EBF1: variants seen among roughly 807,000 people sequenced by gnomAD.
The protein encoded by EBF1 is transcription factor COE1.
EBF1 carries 10 observed loss-of-function variants against 68.4 expected under a neutral mutation model. That is an observed-to-expected ratio of 0.15 (90% CI 0.09 to 0.25). The LOEUF (loss-of-function observed/expected upper bound fraction) is 0.25, where lower values mean the gene tolerates loss of function less well. Ranked by LOEUF, EBF1 falls within the 10% of genes least tolerant of loss-of-function variation. The probability of loss-of-function intolerance (pLI) is 1.00; values close to 1 mark genes in which losing one functional copy is unlikely to be tolerated. For synonymous variants in EBF1, 298 were observed against 299.8 expected (o/e 0.99, Z 0.06); for missense variants, 509 against 794.4 (o/e 0.64, Z 4.32).
In EBF1 at chr5:159,099,544, AAAG is replaced by A; in HGVS notation, c.-69_-67del. The A allele has an allele frequency of 7.2e-7, 1 of 1,379,664 alleles. No individual in the cohort carries two copies. Among genetic ancestry groups the A allele is most frequent in the Non-Finnish European group, 9.5e-7 (1 of 1,056,114 alleles). 85.5% of individuals were successfully genotyped at this position (1,379,664 alleles called of 1,614,324 possible). ...AAAAAATTAAAAAAAAAAAAAAAGG[AAAG>A]AAAAGAAAGAAAAGAAAAGAAACAA... is the stretch of plus-strand genomic sequence containing the variant. On this transcript the variant is annotated 5_prime_UTR_variant, in exon 1 of 16. Transcript: ENST00000313708.
At chr5:158,850,934 G>A (rs902452432) in intron 6 of EBF1, among the ~76,000 whole-genome samples, 1 of 152,114 alleles carries the variant, frequency 6.6e-6, no homozygotes, top group African/African-American at 2.4e-5. Flanking sequence ...TTGAACCTGG[G>A]AGGCAGAAGT....
At chr5:158,775,776 GCACACAGACACACACACACACACACACA>G (rs1775044843) in intron 10 of EBF1, among the ~76,000 whole-genome samples, 1 of 56,002 alleles carries the variant, frequency 1.8e-5, no homozygotes, top group Non-Finnish European at 3.3e-5. Context: ...ACACACACAT[GCACACAGACACACACACACACACACACA>G]CACACACACA....
At position 159,083,198 on chromosome 5, in the gene EBF1, G is replaced by A. The variant is rs575710276; in HGVS notation, c.485+1468C>T. On this transcript the variant is annotated intron_variant, in intron 5 of 15. Transcript: ENST00000313708. Reference sequence around the variant, plus strand: ...AATTCATTCTAATGACATGCTAATTGTAAGAAGCCAGAACAGAGATATGGT... The same window carrying A: ...AATTCATTCTAATGACATGCTAATTATAAGAAGCCAGAACAGAGATATGGT... Among the ~76,000 whole-genome samples the A allele has an allele frequency of 2.1e-3, 315 of 152,252 alleles. 2 individuals are homozygous for A. Among genetic ancestry groups the A allele is most frequent in the Non-Finnish European group, 3.7e-3 (253 of 68,014 alleles).
intron 10 of EBF1, among the ~76,000 whole-genome samples, chr5:158,756,478 A>C (rs1193165813): frequency 6.6e-6 from 1 of 152,100 alleles, no homozygotes; most frequent in Non-Finnish European, 1.5e-5. Context: ...CATTCTTCAA[A>C]AATTACTTAG....
intron 6 of EBF1, among the ~76,000 whole-genome samples, chr5:158,921,858 C>T (rs1808509755): frequency 6.6e-6 from 1 of 152,226 alleles, no homozygotes; most frequent in African/African-American, 2.4e-5. Context: ...CTGGCACAAA[C>T]ATATTGCAAA....
intron 6 of EBF1, among the ~76,000 whole-genome samples, chr5:158,905,144 T>C (rs1464871581): frequency 6.6e-6 from 1 of 152,222 alleles, no homozygotes; most frequent in East Asian, 1.9e-4. Context: ...ATGAGGATTA[T>C]AGAGTTAGGC....
At chr5:158,959,699 G>C (rs764686103) in intron 6 of EBF1, among the ~76,000 whole-genome samples, 1 of 151,952 alleles carries the variant, frequency 6.6e-6, no homozygotes, top group Admixed American at 6.5e-5. Context: ...AAGATAGAAA[G>C]ACTCAATTTA....
At chr5:158,967,112 G>T (rs1217842360) in intron 6 of EBF1, among the ~76,000 whole-genome samples, 1 of 151,826 alleles carries the variant, frequency 6.6e-6, no homozygotes, top group African/African-American at 2.4e-5. Flanking sequence ...TACTTATAAG[G>T]GGGGTGGGGA....
At chr5:158,828,340 G>A (rs559670199) in intron 7 of EBF1, among the ~76,000 whole-genome samples, 117 of 152,302 alleles carry the variant, frequency 7.7e-4, no homozygotes, top group African/African-American at 2.8e-3. Context: ...GAATGTGACT[G>A]TATTTTCAGA....
chr5:158,906,488 T>C (rs1424568969), intron 6 of EBF1, among the ~76,000 whole-genome samples: 1 of 152,018 alleles, frequency 6.6e-6, no homozygotes, highest in Non-Finnish European at 1.5e-5. Flanking sequence ...ACATGCTCAG[T>C]GTTTATTATG....
chr5:159,004,226 A>G (rs1299507886), intron 6 of EBF1, among the ~76,000 whole-genome samples: 2 of 151,800 alleles, frequency 1.3e-5, no homozygotes, highest in Non-Finnish European at 2.9e-5. Flanking sequence ...CAGTGATCCA[A>G]GATCACACCA....
intron 4 of EBF1, among the ~76,000 whole-genome samples, chr5:159,090,352 C>A (rs1214747391): frequency 6.6e-6 from 1 of 151,650 alleles, no homozygotes; most frequent in African/African-American, 2.4e-5. Context: ...GGAAACACTA[C>A]AAATCTGACA....
intron 7 of EBF1, among the ~76,000 whole-genome samples, chr5:158,824,058 T>C (rs1284022371): frequency 6.6e-6 from 1 of 152,152 alleles, no homozygotes; most frequent in Non-Finnish European, 1.5e-5. Flanking sequence ...TCAGAGAACT[T>C]TGACTAAAAC....
intron 15 of EBF1, among the ~76,000 whole-genome samples, chr5:158,703,716 G>T (rs759815284): frequency 1.3e-5 from 2 of 151,582 alleles, no homozygotes; most frequent in South Asian, 2.1e-4. Flanking sequence ...ACTGGTCACC[G>T]CATGTTATCC....
At chr5:158,811,385 A>G (rs1184677149) in intron 8 of EBF1, among the ~76,000 whole-genome samples, 2 of 152,152 alleles carry the variant, frequency 1.3e-5, no homozygotes, top group African/African-American at 4.8e-5. Context: ...TCCAATGTGG[A>G]GGGGAGGTTA....
intron 6 of EBF1, among the ~76,000 whole-genome samples, chr5:158,891,969 T>C (rs1314983970): frequency 6.6e-6 from 1 of 152,218 alleles, no homozygotes; most frequent in Non-Finnish European, 1.5e-5. Flanking sequence ...CCTTGTTCTA[T>C]ATGCACAGTC....
chr5:158,994,327 G>T (rs1397064534), intron 6 of EBF1, among the ~76,000 whole-genome samples: 7 of 152,208 alleles, frequency 4.6e-5, no homozygotes, highest in African/African-American at 1.4e-4. Context: ...TGGGTACTGT[G>T]TACAGTGGCT....
chr5:158,818,055 T>C (rs1322254443), intron 8 of EBF1, among the ~76,000 whole-genome samples: 3 of 152,220 alleles, frequency 2.0e-5, no homozygotes, highest in East Asian at 3.9e-4. Context: ...AAATAGTACA[T>C]GCTAAAAGGA....
intron 6 of EBF1, among the ~76,000 whole-genome samples, chr5:158,844,922 A>C (rs923570212): frequency 2.6e-5 from 4 of 152,312 alleles, no homozygotes; most frequent in Admixed American, 1.3e-4. Context: ...TTTACCAACC[A>C]ACAGATATTA....
Sources: allele counts gnomAD v4.1 joint callset (sites outside exome capture counted in the v4.1 genomes callset), GRCh38; gene constraint gnomAD v4.1.1; transcripts MANE v1.5; gene names NCBI Gene and HGNC (gene_info 2026-07-23, HGNC 2026-07-21).